ADAMTSL1: variants seen among roughly 807,000 people sequenced by gnomAD.
ADAMTSL1 encodes the protein ADAMTS-like protein 1.
In ADAMTSL1, 126 loss-of-function variants were observed where a neutral mutation model predicts 201.8. The observed-to-expected ratio is 0.62, with a 90% CI of 0.54 to 0.72. The LOEUF (loss-of-function observed/expected upper bound fraction) is 0.72. Ranked by LOEUF, ADAMTSL1 falls within the 30% of genes least tolerant of loss-of-function variation. The pLI, the probability that ADAMTSL1 is intolerant of heterozygous loss-of-function variation, is 0.00. For missense variants in ADAMTSL1, 2,679 were observed against 2,277.8 expected (o/e 1.18, Z -3.59); for synonymous variants, 1,121 against 903.4 (o/e 1.24, Z -4.32).
intron 2 of ADAMTSL1, among the ~76,000 whole-genome samples, chr9:18,305,087 C>G (rs79381825): frequency 0.031 from 4,772 of 152,164 alleles, 261 homozygotes; most frequent in African/African-American, 0.11. Context: ...CATTGCCTCA[C>G]CGGGAAAGTA....
intron 23 of ADAMTSL1, among the ~76,000 whole-genome samples, chr9:18,884,139 G>A (rs182189631): frequency 9.9e-5 from 15 of 152,162 alleles, no homozygotes; most frequent in Admixed American, 2.0e-4. Flanking sequence ...AACTCATGGT[G>A]GCTTTAATTT....
intron 15 of ADAMTSL1, among the ~76,000 whole-genome samples, chr9:18,748,867 C>G (rs1442005500): frequency 6.6e-6 from 1 of 152,206 alleles, no homozygotes; most frequent in African/African-American, 2.4e-5. Flanking sequence ...AAGCCAAAAT[C>G]AAGTTCAAAA....
chr9:18,830,803 G>C (rs1218480210), intron 23 of ADAMTSL1, among the ~76,000 whole-genome samples: 2 of 152,144 alleles, frequency 1.3e-5, no homozygotes, highest in Non-Finnish European at 2.9e-5. Flanking sequence ...CCTTCCTCTT[G>C]TGCTGTGAAC....
Position 18,680,461 on chromosome 9 carries a change from C to A in ADAMTSL1, c.1286C>A (p.Ala429Glu), listed in dbSNP as rs747562381. 1 of 1,614,136 alleles carries A rather than the reference C, an allele frequency of 6.2e-7. No individual in the cohort carries two copies. The highest frequency in any genetic ancestry group is 8.5e-7 in the Non-Finnish European group (1 of 1,180,024). ...ATGTACACCCCTAAGATGCCCATCG[C>A]GCAGCCCTGCAACATTTTTGACTGC... ...KCMYTPKMPI[A>E]QPCNIFDCPK... The change falls in exon 11 of 29, where the codon GCG (alanine) becomes GAG (glutamate). Residue 429 changes from alanine to glutamate, a missense_variant. By Grantham distance (107) the Ala-to-Glu change is moderately radical. Coordinates refer to ENST00000380548, the MANE Select transcript of ADAMTSL1 (RefSeq NM_001040272.6).
intron 1 of ADAMTSL1, among the ~76,000 whole-genome samples, chr9:18,093,683 G>C (rs1054233788): frequency 2.0e-5 from 3 of 152,108 alleles, no homozygotes; most frequent in African/African-American, 7.2e-5. Flanking sequence ...CAAGAAATAG[G>C]CTCTCCTAAA....
intron 1 of ADAMTSL1, among the ~76,000 whole-genome samples, chr9:18,082,924 G>A (rs1329034982): frequency 2.6e-5 from 4 of 152,108 alleles, no homozygotes; most frequent in Non-Finnish European, 5.9e-5. Flanking sequence ...AAGTCAAAAC[G>A]ATTGTAACAA....
At chr9:18,379,679 A>G (rs1366818177) in intron 2 of ADAMTSL1, among the ~76,000 whole-genome samples, 1 of 152,206 alleles carries the variant, frequency 6.6e-6, no homozygotes, top group East Asian at 1.9e-4. Flanking sequence ...TGGGAAAAGG[A>G]AAAAAGAAAA....
chr9:17,987,333 G>C (rs568621496), intron 1 of ADAMTSL1, among the ~76,000 whole-genome samples: 1 of 152,080 alleles, frequency 6.6e-6, no homozygotes, highest in African/African-American at 2.4e-5. Context: ...GGAAGCAGGG[G>C]ATAGAGAACA....
At chr9:18,485,741 C>G (rs1279259621) in intron 1 of ADAMTSL1, among the ~76,000 whole-genome samples, 1 of 152,194 alleles carries the variant, frequency 6.6e-6, no homozygotes, top group Non-Finnish European at 1.5e-5. Context: ...GAGTGAATCC[C>G]TATAGCTGGA....
intron 2 of ADAMTSL1, among the ~76,000 whole-genome samples, chr9:18,250,924 G>A (rs1222145964): frequency 2.0e-5 from 3 of 152,128 alleles, no homozygotes; most frequent in Non-Finnish European, 4.4e-5. Context: ...CTCTGGTCAG[G>A]AGAGAATAAT....
At chr9:18,856,819 G>A (rs369209102) in intron 23 of ADAMTSL1, among the ~76,000 whole-genome samples, 5 of 152,024 alleles carry the variant, frequency 3.3e-5, no homozygotes, top group East Asian at 1.9e-4. Flanking sequence ...AACTTACTGC[G>A]TTACAGACTT....
At chr9:18,132,709 C>G (rs1826002213) in intron 1 of ADAMTSL1, among the ~76,000 whole-genome samples, 1 of 151,984 alleles carries the variant, frequency 6.6e-6, no homozygotes, top group Non-Finnish European at 1.5e-5. Flanking sequence ...TACCCTTTTT[C>G]CCCCCTTTCA....
chr9:18,825,377 G>A (rs1341253437), intron 21 of ADAMTSL1, among the ~76,000 whole-genome samples: 1 of 152,158 alleles, frequency 6.6e-6, no homozygotes, highest in Non-Finnish European at 1.5e-5. Flanking sequence ...CTTGGATTGT[G>A]GAAAGAGTTG....
chr9:18,759,540 G>A (rs1266369579), intron 16 of ADAMTSL1, among the ~76,000 whole-genome samples: 1 of 152,132 alleles, frequency 6.6e-6, no homozygotes, highest in East Asian at 1.9e-4. Context: ...CTGTCCCAGG[G>A]AGGAAAAAAC....
At chr9:18,583,801 A>G (rs1264871295) in intron 4 of ADAMTSL1, among the ~76,000 whole-genome samples, 7 of 152,170 alleles carry the variant, frequency 4.6e-5, no homozygotes, top group Non-Finnish European at 8.8e-5. Context: ...TGGGGCTTTA[A>G]GATTTGACTC....
intron 17 of ADAMTSL1, among the ~76,000 whole-genome samples, chr9:18,774,707 A>G (rs1367950517): frequency 6.6e-6 from 1 of 152,200 alleles, no homozygotes; most frequent in Non-Finnish European, 1.5e-5. Flanking sequence ...TGTAGCACAT[A>G]TAAGAACTAT....
intron 20 of ADAMTSL1, among the ~76,000 whole-genome samples, chr9:18,805,207 C>G (rs375716347): frequency 1.1e-4 from 17 of 152,314 alleles, no homozygotes; most frequent in African/African-American, 4.1e-4. Context: ...GACTTTTAAG[C>G]TCTCCGCATC....
intron 3 of ADAMTSL1, among the ~76,000 whole-genome samples, chr9:18,566,991 G>T (rs1821945601): frequency 6.6e-6 from 1 of 152,150 alleles, no homozygotes; most frequent in Non-Finnish European, 1.5e-5. Context: ...CTCAAAGCGG[G>T]TTTGCCAAAT....
intron 1 of ADAMTSL1, among the ~76,000 whole-genome samples, chr9:17,975,525 G>C (rs1818410789): frequency 6.6e-6 from 1 of 151,930 alleles, no homozygotes; most frequent in Non-Finnish European, 1.5e-5. Flanking sequence ...ATCTCCCAAA[G>C]GCCCCACCTC....
Sources: gnomAD v4.1 joint callset for allele counts (sites outside exome capture counted in the v4.1 genomes callset) on GRCh38, gnomAD v4.1.1 for gene constraint, MANE v1.5 for transcripts, NCBI Gene and HGNC (gene_info 2026-07-23, HGNC 2026-07-21) for gene names.